HNRNPR: variants seen among roughly 807,000 people sequenced by gnomAD.
HNRNPR encodes the protein heterogeneous nuclear ribonucleoprotein R.
A neutral mutation model predicts 70.3 loss-of-function variants in HNRNPR; 4 were observed. The ratio of observed to expected loss-of-function variants is 0.06; its 90% CI spans 0.03 to 0.13. The LOEUF is 0.13. Among genes scored for constraint, HNRNPR ranks in the 10% least tolerant of loss-of-function variants. The pLI is 1.00. For missense variants in HNRNPR, 423 were observed against 788.5 expected (o/e 0.54, Z 5.55); for synonymous variants, 241 against 267.6 (o/e 0.90, Z 0.97).
chr1:23,308,873 G>A lies in HNRNPR; in HGVS notation c.*1581C>T, dbSNP rs1202795419. On this transcript the variant is annotated 3_prime_UTR_variant, in exon 11 of 11. Transcript: ENST00000302271. ...AAACAGGAACAAAACACAGAATAAT[G>A]GTGTATCCATTTTAATTATTCCCCA... The A allele has an allele frequency of 2.0e-5, 3 of 151,856 alleles. No individual in the cohort carries two copies. The highest frequency in any genetic ancestry group is 4.4e-5 in the Non-Finnish European group (3 of 67,866). 9.4% of individuals were successfully genotyped at this position (151,856 alleles called of 1,614,324 possible).
chr1:23,341,563 C>T (rs1370567217), intron 1 of HNRNPR, among the ~76,000 whole-genome samples: 1 of 150,888 alleles, frequency 6.6e-6, no homozygotes, highest in African/African-American at 2.4e-5. Flanking sequence ...CAATACAAAA[C>T]GAAAACAAAA....
chr1:23,318,840 T>C lies in HNRNPR; in HGVS notation c.812-152A>G. On this transcript the variant is annotated intron_variant, in intron 7 of 10. Coordinates refer to ENST00000302271, the MANE Select transcript of HNRNPR (RefSeq NM_005826.5). This position sits in a 1 kb window ranked among gnomAD's most constrained non-coding sequence, Gnocchi z 4.2. ...TTTGTAGACAATTAGATCAACATAA[T>C]TAGATATGGGGTTTGGGACAGTATT... 1 of 674,392 alleles carries C rather than the reference T, an allele frequency of 1.5e-6. No homozygotes were observed. The highest frequency in any genetic ancestry group is 2.5e-6 in the Non-Finnish European group (1 of 392,662). 41.8% of individuals were successfully genotyped at this position (674,392 alleles called of 1,614,324 possible).
At position 23,310,872 on chromosome 1, in the gene HNRNPR, T is replaced by C. The variant is rs1463685515; in HGVS notation, c.1484A>G (p.Asp495Gly). The part of the protein sequence containing the change: ...GYEDPYYGYD[D>G]GYAVRGRGGG... ...TCCTCTTCCTCTTACTGCATAGCCA[T>C]CATCATAGCCGTAGTAGGGATCTTC... is the stretch of plus-strand genomic sequence containing the variant. Residue 495 changes from aspartate to glycine, a missense_variant, in exon 11 of 11, where the codon GAT (aspartate) becomes GGT (glycine). Physicochemically the swap from Asp to Gly is moderately conservative, Grantham distance 94. Coordinates refer to ENST00000302271, the MANE Select transcript of HNRNPR (RefSeq NM_005826.5). The surrounding 1 kb of genome is among the most constrained non-coding windows in gnomAD (Gnocchi z 6.0). 3 of 1,614,066 alleles carry C rather than the reference T, an allele frequency of 1.9e-6. No individual in the cohort carries two copies. The highest frequency in any genetic ancestry group is 2.5e-6 in the Non-Finnish European group (3 of 1,180,002).
In HNRNPR at chr1:23,309,141, TAAATAA is replaced by T. The variant is rs1383064367; in HGVS notation, c.*1307_*1312del. ...AAATTTGGGCATCAGGGATAGCAGA[TAAATAA>T]AAATAAACGAAGTGTTAACAGAAAG... On this transcript the variant is annotated 3_prime_UTR_variant, in exon 11 of 11. Transcript: ENST00000302271. The T allele has an allele frequency of 2.0e-5, 3 of 152,076 alleles. No homozygotes were observed. The highest frequency in any genetic ancestry group is 7.2e-5 in the African/African-American group (3 of 41,432). The allele number at this position is 152,076 out of a possible 1,614,324, so 9.4% of individuals were successfully genotyped here.
intron 5 of HNRNPR, among the ~76,000 whole-genome samples, chr1:23,329,033 T>C (rs1208389880): frequency 6.6e-6 from 1 of 151,958 alleles, no homozygotes; most frequent in African/African-American, 2.4e-5. Context: ...AGGCAGGAGG[T>C]TCCCCTAAAC....
In HNRNPR at chr1:23,305,247, T is replaced by G. The variant is rs373644783; in HGVS notation, c.*5207A>C. The G allele has an allele frequency of 5.8e-4, 88 of 152,328 alleles. No individual in the cohort carries two copies. Among genetic ancestry groups the G allele is most frequent in the African/African-American group, 2.0e-3 (84 of 41,580 alleles). The allele number at this position is 152,328 out of a possible 1,614,324, so 9.4% of individuals were successfully genotyped here. A position where few individuals can be genotyped will look rare whatever the true frequency, so the allele number is the denominator to read the frequency against. Reference sequence around the variant, plus strand: ...TCCTACTGCTTACCTTAAAACTTCCTAAGGAGCATGCTATTTAGTGCTAAG... The same window carrying G: ...TCCTACTGCTTACCTTAAAACTTCCGAAGGAGCATGCTATTTAGTGCTAAG... On this transcript the variant is annotated 3_prime_UTR_variant, in exon 11 of 11. Transcript: ENST00000302271.
At chr1:23,315,292 A>C (rs1645492153) in intron 8 of HNRNPR, among the ~76,000 whole-genome samples, 1 of 150,820 alleles carries the variant, frequency 6.6e-6, no homozygotes. Context: ...AAAAAAAAAA[A>C]AAAAAAAAAA....
chr1:23,315,941 T>C (rs1362402619), intron 8 of HNRNPR, among the ~76,000 whole-genome samples: 2 of 152,204 alleles, frequency 1.3e-5, no homozygotes, highest in East Asian at 1.9e-4. Context: ...TTTTCTATGA[T>C]GAAACGATAA....
chr1:23,329,686 C>T (rs539055849), intron 5 of HNRNPR, among the ~76,000 whole-genome samples: 1 of 152,334 alleles, frequency 6.6e-6, no homozygotes, highest in Non-Finnish European at 1.5e-5. Flanking sequence ...GGCTGGAATA[C>T]AGTGGCACAA....
In HNRNPR at chr1:23,313,540, T is replaced by G. The variant is rs757463936; in HGVS notation, c.1167+13A>C. The G allele has an allele frequency of 1.3e-6, 2 of 1,530,194 alleles. No homozygotes were observed. 94.8% of individuals were successfully genotyped at this position (1,530,194 alleles called of 1,614,324 possible). On this transcript the variant is annotated intron_variant, in intron 9 of 10. Transcript: ENST00000302271. ...AATTCAAATATCAAGAACCAAAATTTCAAAATTCCTACCTTAACAGCTGCT... is the reference window on the plus strand; with the variant it reads ...AATTCAAATATCAAGAACCAAAATTGCAAAATTCCTACCTTAACAGCTGCT...
chr1:23,335,567 G>A (rs1646438352), intron 4 of HNRNPR, among the ~76,000 whole-genome samples: 1 of 152,170 alleles, frequency 6.6e-6, no homozygotes, highest in African/African-American at 2.4e-5. Flanking sequence ...GCCGCATTAG[G>A]TTCTCACAGG....
intron 7 of HNRNPR, among the ~76,000 whole-genome samples, chr1:23,321,232 T>G (rs946027350): frequency 6.7e-6 from 1 of 149,846 alleles, no homozygotes; most frequent in Non-Finnish European, 1.5e-5. Context: ...CTCTTGGTCC[T>G]AAAATACACT....
At chr1:23,311,665 G>T (rs1645342665) in intron 9 of HNRNPR, 1 of 184,242 alleles carries the variant, frequency 5.4e-6, no homozygotes, top group Non-Finnish European at 1.1e-5. Flanking sequence ...TCCATACCGG[G>T]GAAAAATGCC....
chr1:23,316,940 C>G (rs1296698663), intron 8 of HNRNPR, among the ~76,000 whole-genome samples: 1 of 152,122 alleles, frequency 6.6e-6, no homozygotes, highest in Admixed American at 6.5e-5. Flanking sequence ...TCTGATTAAC[C>G]CAAAGATGTC....
At chr1:23,324,945 C>A (rs1302586506) in intron 5 of HNRNPR, among the ~76,000 whole-genome samples, 7 of 151,750 alleles carry the variant, frequency 4.6e-5, no homozygotes, top group Non-Finnish European at 7.4e-5. Context: ...CCGAGACCAT[C>A]CTGGCTAACA....
At chr1:23,336,952 C>G (rs563052681) in intron 4 of HNRNPR, among the ~76,000 whole-genome samples, 1 of 152,086 alleles carries the variant, frequency 6.6e-6, no homozygotes, top group Non-Finnish European at 1.5e-5. Flanking sequence ...TGCTACATTC[C>G]AGGCATTATT....
Position 23,337,856 on chromosome 1 carries a change from T to G in HNRNPR, c.282A>C (p.Lys94Asn). Reference protein sequence around the residue: ...KESDLSHVQNKSAFLCGVMKT... With the variant: ...KESDLSHVQNNSAFLCGVMKT... ...TCATAACTCCACATAAAAATGCACT[T>G]TTGTTCTAGAACAGACAAGTAATTC... The change falls in exon 4 of 11, where the codon AAA becomes AAC. Residue 94 changes from lysine to asparagine, a missense_variant. Around this residue, in one of 7 missense-constraint regions of HNRNPR, gnomAD observed 118 missense variants for 239.3 expected, o/e 0.49. Transcript: ENST00000302271. 1.9e-6 allele frequency: 3 copies of G among 1,598,222 alleles called. No individual in the cohort carries two copies. Among genetic ancestry groups the G allele is most frequent in the Non-Finnish European group, 2.6e-6 (3 of 1,167,196 alleles).
rs781068421 is a variant in HNRNPR, at chr1:23,318,612, A to G, written c.888T>C (p.Tyr296=). Residue 296 remains tyrosine, a synonymous_variant, in exon 8 of 11, where the codon TAT becomes TAC. Transcript: ENST00000302271. The surrounding 1 kb of genome is among the most constrained non-coding windows in gnomAD (Gnocchi z 4.2). The part of the protein sequence containing the change: ...KKNRGFCFLE[Y]EDHKSAAQAR... ...CTTGTGCTGCTGACTTGTGATCCTC[A>G]TATTCAAGGAAGCAGAACCCCCGAT... 3 of 1,614,156 alleles carry G rather than the reference A, an allele frequency of 1.9e-6. No individual in the cohort carries two copies. The highest frequency in any genetic ancestry group is 2.2e-5 in the South Asian group (2 of 91,082).
intron 5 of HNRNPR, among the ~76,000 whole-genome samples, chr1:23,329,654 A>T (rs939504905): frequency 1.3e-5 from 2 of 152,198 alleles, no homozygotes; most frequent in African/African-American, 4.8e-5. Context: ...TTTTTGAGAC[A>T]AGGTACTTGC....
Sources: allele counts gnomAD v4.1 joint callset (sites outside exome capture counted in the v4.1 genomes callset), GRCh38; gene constraint gnomAD v4.1.1; regional missense constraint gnomAD v4.1.1; non-coding constraint Gnocchi (gnomAD v3.1); transcripts MANE v1.5; gene names NCBI Gene and HGNC (gene_info 2026-07-23, HGNC 2026-07-21).